SLC26A5: variants seen among roughly 807,000 people sequenced by gnomAD.
SLC26A5 encodes solute carrier family 26 member 5.
Under a neutral mutation model 81.0 loss-of-function variants are expected in SLC26A5, and 51 were observed. The observed-to-expected ratio is 0.63, with a 90% CI of 0.50 to 0.80. The LOEUF (loss-of-function observed/expected upper bound fraction) is 0.80. Ranked by LOEUF, SLC26A5 falls within the 30% of genes least tolerant of loss-of-function variation. SLC26A5 has a pLI of 0.00. For synonymous variants in SLC26A5, 325 were observed against 332.8 expected (o/e 0.98, Z 0.25); for missense variants, 771 against 905.8 (o/e 0.85, Z 1.91).
intron 9 of SLC26A5, among the ~76,000 whole-genome samples, chr7:103,395,016 C>T (rs77424725): frequency 1.8e-3 from 276 of 152,322 alleles, no homozygotes; most frequent in African/African-American, 6.4e-3. Context: ...GTGTCAGACA[C>T]GTGAGTGAAG....
intron 7 of SLC26A5, 146 bp downstream of exon 7, chr7:103,410,239 A>G: frequency 2.8e-6 from 2 of 723,612 alleles, no homozygotes; most frequent in Non-Finnish European, 4.6e-6. Context: ...TTTTCAGAAA[A>G]CCTTAGAATA....
intron 8 of SLC26A5, among the ~76,000 whole-genome samples, chr7:103,399,815 G>A (rs1212201488): frequency 1.3e-5 from 2 of 152,176 alleles, no homozygotes; most frequent in African/African-American, 4.8e-5. Flanking sequence ...GTGAGAACAT[G>A]TGGTGTTTGG....
intron 7 of SLC26A5, among the ~76,000 whole-genome samples, chr7:103,409,857 G>A (rs1420850288): frequency 6.6e-6 from 1 of 151,892 alleles, no homozygotes; most frequent in Non-Finnish European, 1.5e-5. Flanking sequence ...ACAGGTGCCC[G>A]CCACCACACC....
intron 2 of SLC26A5, among the ~76,000 whole-genome samples, chr7:103,441,632 G>A (rs1002926611): frequency 4.6e-5 from 7 of 152,070 alleles, no homozygotes; most frequent in African/African-American, 1.4e-4. Flanking sequence ...ACCTCAACAA[G>A]TCACAGATCA....
At position 103,368,350 on chromosome 7, in the gene SLC26A5, C is replaced by A. The variant is rs190686105; in HGVS notation, c.2041+8458G>T. ...TGGCCGGGTGCTCTACATATAAATTCTCATTGTATCCTCCCATCTGTCCAC... is the reference window on the plus strand; with the variant it reads ...TGGCCGGGTGCTCTACATATAAATTATCATTGTATCCTCCCATCTGTCCAC... On this transcript the variant is annotated intron_variant, in intron 19 of 19. Transcript: ENST00000339444. The A allele has an allele frequency of 4.6e-4, 101 of 220,350 alleles. 1 individual carries two copies. Among genetic ancestry groups the A allele is most frequent in the African/African-American group, 2.2e-3 (96 of 43,934 alleles). 13.6% of individuals were successfully genotyped at this position (220,350 alleles called of 1,614,324 possible).
At chr7:103,379,439 G>C in intron 15 of SLC26A5, 104 bp from the exon 16 acceptor site, 1 of 743,186 alleles carries the variant, frequency 1.3e-6, no homozygotes, top group East Asian at 2.8e-5. Context: ...AAGTTGCTAA[G>C]GTCCCCTTTT....
intron 2 of SLC26A5, among the ~76,000 whole-genome samples, chr7:103,426,607 T>C (rs1196651650): frequency 6.6e-6 from 1 of 152,212 alleles, no homozygotes; most frequent in African/African-American, 2.4e-5. Flanking sequence ...ATAATCTATG[T>C]CCTTTTTGAG....
chr7:103,445,229 G>A (rs760155641), intron 1 of SLC26A5: 1 of 152,210 alleles, frequency 6.6e-6, no homozygotes, highest in Non-Finnish European at 1.5e-5. Context: ...ACAGCTAGCT[G>A]ATCGGATCCT....
chr7:103,380,567 T>C lies in SLC26A5; in HGVS notation c.1515-18A>G, dbSNP rs757396709. ...AGCTTGGACTGAAGATAAAGAGTGT[T>C]AAATACCATTGTGTTGAGGCACAGC... On this transcript the variant is annotated intron_variant, in intron 14 of 19. Coordinates refer to ENST00000306312, the MANE Select transcript of SLC26A5 (RefSeq NM_198999.3). 3.1e-6 allele frequency: 5 copies of C among 1,607,942 alleles called. No individual in the cohort carries two copies. The highest frequency in any genetic ancestry group is 4.3e-6 in the Non-Finnish European group (5 of 1,174,620).
chr7:103,421,647 G>T, intron 2 of SLC26A5, 80 bp from the exon 3 acceptor site: 2 of 962,470 alleles, frequency 2.1e-6, no homozygotes, highest in Non-Finnish European at 3.2e-6. Context: ...TCTTTGTGGT[G>T]TTCCAAGTTC....
chr7:103,409,899 G>A (rs374207966), intron 7 of SLC26A5, among the ~76,000 whole-genome samples: 13 of 152,024 alleles, frequency 8.6e-5, no homozygotes, highest in African/African-American at 2.9e-4. Flanking sequence ...TAGTAGAGAC[G>A]GGGTTTCACT....
At chr7:103,380,992 C>A (rs559683178) in intron 14 of SLC26A5, among the ~76,000 whole-genome samples, 1 of 151,360 alleles carries the variant, frequency 6.6e-6, no homozygotes, top group Non-Finnish European at 1.5e-5. Context: ...ATGCACAATA[C>A]ATACCCCCAC....
chr7:103,410,341 A>G, intron 7 of SLC26A5, 44 bp downstream of exon 7: 2 of 1,512,206 alleles, frequency 1.3e-6, no homozygotes, highest in African/African-American at 2.7e-5. Context: ...GGTTGGGGGG[A>G]ATAAAGAGAA....
intron 19 of SLC26A5, chr7:103,352,934 AAGAGGGT>A (rs1311577885): frequency 1.3e-6 from 1 of 780,790 alleles, no homozygotes; most frequent in East Asian, 2.4e-5. Flanking sequence ...AAGCTGAAAC[AAGAGGGT>A]AGAGTGACTT....
At chr7:103,388,884 T>G in intron 14 of SLC26A5, 124 bp downstream of exon 14, 1 of 719,732 alleles carries the variant, frequency 1.4e-6, no homozygotes, top group Admixed American at 2.0e-5. Flanking sequence ...TATAGCTCCC[T>G]CTCACGCTAA....
chr7:103,357,819 C>T (rs1029729825), intron 19 of SLC26A5, among the ~76,000 whole-genome samples: 1 of 152,144 alleles, frequency 6.6e-6, no homozygotes, highest in South Asian at 2.1e-4. Context: ...CTCAACCTCC[C>T]ACTTTCTCTT....
chr7:103,370,970 C>A (rs1397537390), downstream of SLC26A5, among the ~76,000 whole-genome samples: 1 of 152,102 alleles, frequency 6.6e-6, no homozygotes, highest in Non-Finnish European at 1.5e-5. Flanking sequence ...GAATTTGAAT[C>A]AGGGTGGAAA....
At position 103,379,233 on chromosome 7, in the gene SLC26A5, C is replaced by T; in HGVS notation, c.1677+10G>A. The T allele has an allele frequency of 6.3e-7, 1 of 1,590,664 alleles. No homozygotes were observed. Among genetic ancestry groups the T allele is most frequent in the Non-Finnish European group, 8.6e-7 (1 of 1,158,948 alleles). On this transcript the variant is annotated intron_variant, in intron 16 of 19. Coordinates refer to ENST00000306312, the MANE Select transcript of SLC26A5 (RefSeq NM_198999.3). ...CCATCCTCAGAAATAATCAATTTCT[C>T]ATGACTCACCTTTCGTTTTAATGCA...
chr7:103,444,370 A>G lies in SLC26A5; in HGVS notation c.-182-1159T>C, dbSNP rs142058037. 3.3e-5 allele frequency among the ~76,000 whole-genome samples: 5 copies of G among 152,366 alleles called. No homozygotes were observed. In the East Asian group the frequency reaches 9.6e-4, roughly 29 times the overall value. ...CCTAGAAAACTGTTTCACTTGGGTT[A>G]CTAAAATGCAGACTACCTGCAACGG... On this transcript the variant is annotated intron_variant, in intron 1 of 19. Transcript: ENST00000306312.
Sources: gnomAD v4.1 joint callset for allele counts (sites outside exome capture counted in the v4.1 genomes callset) on GRCh38, gnomAD v4.1.1 for gene constraint, MANE v1.5 for transcripts, NCBI Gene and HGNC (gene_info 2026-07-23, HGNC 2026-07-21) for gene names.